The following ATP1A2 variants were observed in gnomAD, a reference collection of about 807,000 sequenced individuals.
ATP1A2 encodes the protein ATPase Na+/K+ transporting subunit alpha 2.
In ATP1A2, 56 loss-of-function variants were observed where a neutral mutation model predicts 113.1. The observed-to-expected ratio is 0.49, with a 90% CI of 0.40 to 0.62. The LOEUF is 0.62. ATP1A2 is among the 20% of genes least tolerant of loss of function. ATP1A2 has a pLI of 0.00. For synonymous variants in ATP1A2, 490 were observed against 526.8 expected, an observed-to-expected ratio of 0.93 and a Z score of 0.96; for missense variants, 712 against 1,357.8, an observed-to-expected ratio of 0.52 and a Z score of 7.47.
rs1230517801 is a variant in ATP1A2 at position 160,125,176 on chromosome 1, C to A, written c.671C>A (p.Thr224Asn). Residue 224 changes from threonine (T) to asparagine (N), a missense_variant, in exon 7 of 23, where the codon ACC becomes AAC. Thr to Asn is a moderately conservative substitution (Grantham distance 65). This residue lies in a region of ATP1A2 where 99 missense variants were observed against 180.4 expected (regional missense o/e 0.55). Coordinates refer to ENST00000361216, the MANE Select transcript of ATP1A2 (RefSeq NM_000702.4). ...SSLTGESEPQ[T>N]RSPEFTHENP... ...TTAACAGGAGAGTCGGAGCCCCAGA[C>A]CCGCTCCCCCGAGTTCACCCATGAG... The A allele has an allele frequency of 5.6e-6, 9 of 1,613,986 alleles. No homozygotes were observed. Among genetic ancestry groups the A allele is most frequent in the Admixed American group, 1.7e-5 (1 of 60,000 alleles).
At chr1:160,123,587 C>T (rs1651490445) in intron 4 of ATP1A2, among the ~76,000 whole-genome samples, 171 bp downstream of exon 4, 1 of 152,214 alleles carries the variant, frequency 6.6e-6, no homozygotes, top group African/African-American at 2.4e-5. Flanking sequence ...GTAAAGTACT[C>T]CTCCGCCAAC....
chr1:160,135,379 A>C lies in ATP1A2; in HGVS notation c.2116-55A>C, dbSNP rs549284554. 154 of 1,614,182 alleles carry C rather than the reference A, an allele frequency of 9.5e-5. No homozygotes were observed. The highest frequency in any genetic ancestry group is 1.2e-4 in the Non-Finnish European group (138 of 1,180,024). ...CAAGACAAGCATGGAGTGAGAGGCG[A>C]GGAGCCAGGCTTGGGAAGGGGTTTC... On this transcript the variant is annotated intron_variant, in intron 15 of 22. Transcript: ENST00000361216. This position sits in a 1 kb window ranked among gnomAD's most constrained non-coding sequence, Gnocchi z 6.3.
chr1:160,134,234 C>T (rs1651861109), intron 13 of ATP1A2, among the ~76,000 whole-genome samples: 1 of 82,526 alleles, frequency 1.2e-5, no homozygotes, highest in Non-Finnish European at 2.8e-5. Context: ...ACAATCCCCA[C>T]CCACACACAC....
chr1:160,115,810 G>A lies in ATP1A2; in HGVS notation c.-52G>A. 3 of 1,574,416 alleles carry A rather than the reference G, an allele frequency of 1.9e-6. No individual in the cohort carries two copies. Among genetic ancestry groups the A allele is most frequent in the Non-Finnish European group, 1.7e-6 (2 of 1,159,574 alleles). ...CCCAGACGGGCTGGTGTGGGCTTGG[G>A]ATCCTCCTGGTGACCTCTCCCGCTA... is the stretch of plus-strand genomic sequence containing the variant. On this transcript the variant is annotated 5_prime_UTR_variant, in exon 1 of 23. Coordinates refer to ENST00000361216, the MANE Select transcript of ATP1A2 (RefSeq NM_000702.4).
At chr1:160,136,780 G>A in intron 19 of ATP1A2, 65 bp downstream of exon 19, 1 of 1,614,096 alleles carries the variant, frequency 6.2e-7, no homozygotes, top group Non-Finnish European at 8.5e-7. Context: ...TGCCTGGCAG[G>A]AGTGGCCAGT....
At chr1:160,139,781 G>A (rs998608147) in intron 21 of ATP1A2, 40 bp downstream of exon 21, 8 of 1,612,962 alleles carry the variant, frequency 5.0e-6, no homozygotes, top group Non-Finnish European at 6.8e-6. Flanking sequence ...GTCATACGGG[G>A]GGCCTTCAGC....
In ATP1A2 at chr1:160,124,432, T is replaced by C; in HGVS notation, c.630+2T>C. On this transcript the variant is annotated splice_donor_variant, in intron 6 of 22. Transcript: ENST00000361216. LOFTEE classifies it high-confidence loss of function. ...ATCATCTCTTCTCATGGCTGTAAGG[T>C]GAGGAGGTCATACCAGAGCAAGCAG... is the stretch of plus-strand genomic sequence containing the variant. 1 of 1,604,636 alleles carries C rather than the reference T, an allele frequency of 6.2e-7. No homozygotes were observed. The highest frequency in any genetic ancestry group is 1.1e-5 in the South Asian group (1 of 89,434).
chr1:160,119,255 G>GAAAAAA (rs1558001685), intron 1 of ATP1A2, among the ~76,000 whole-genome samples: 1 of 2,642 alleles, frequency 3.8e-4, no homozygotes, highest in Non-Finnish European at 5.9e-4. Flanking sequence ...GCATTATCCT[G>GAAAAAA]CAAAAAAAAA....
At chr1:160,131,879 C>A (rs1651786512) in intron 13 of ATP1A2, among the ~76,000 whole-genome samples, 1 of 151,766 alleles carries the variant, frequency 6.6e-6, no homozygotes, top group African/African-American at 2.4e-5. Flanking sequence ...GTGGGTAAGT[C>A]TTTTCCCCAA....
At chr1:160,116,047 T>C (rs1272883584) in intron 1 of ATP1A2, among the ~76,000 whole-genome samples, 174 bp downstream of exon 1, 1 of 151,976 alleles carries the variant, frequency 6.6e-6, no homozygotes, top group African/African-American at 2.4e-5. Context: ...CCCACGGCGG[T>C]CACATACCCT....
In ATP1A2 at chr1:160,139,941, C is replaced by T; in HGVS notation, c.2991C>T (p.Ile997=). The change falls in exon 22 of 23, where the codon ATC becomes ATT. Residue 997 remains isoleucine, a synonymous_variant. Transcript: ENST00000361216. The stretch of plus-strand genomic sequence containing the variant: ...TCCCCTACAGCCTCCTCATCTTCAT[C>T]TATGATGAGGTCCGAAAGCTCATCC... ...CAFPYSLLIF[I]YDEVRKLILR... is the part of the protein sequence containing the mutation. 1 of 1,614,136 alleles carries T rather than the reference C, an allele frequency of 6.2e-7. No individual in the cohort carries two copies. The highest frequency in any genetic ancestry group is 8.5e-7 in the Non-Finnish European group (1 of 1,180,034).
intron 1 of ATP1A2, among the ~76,000 whole-genome samples, chr1:160,118,507 T>C (rs546244284): frequency 1.4e-4 from 21 of 152,300 alleles, no homozygotes; most frequent in Non-Finnish European, 2.8e-4. Context: ...TTAGGTCACC[T>C]GAGAAAGGCA....
Position 160,130,095 on chromosome 1 carries a change from T to C in ATP1A2, c.1462-7T>C. The C allele has an allele frequency of 1.9e-6, 3 of 1,614,148 alleles. No homozygotes were observed. Among genetic ancestry groups the C allele is most frequent in the Non-Finnish European group, 1.7e-6 (2 of 1,180,018 alleles). ...GCCCTCTCTGTAACTACCTGTTGTC[T>C]CTCCAGCTGTCTATCCACGAGCGAG... is the stretch of plus-strand genomic sequence containing the variant. On this transcript the variant is annotated splice_region_variant and splice_polypyrimidine_tract_variant and intron_variant, in intron 11 of 22. Transcript: ENST00000361216.
intron 13 of ATP1A2, among the ~76,000 whole-genome samples, chr1:160,133,496 TC>T (rs1276222503): frequency 6.6e-6 from 1 of 152,036 alleles, no homozygotes; most frequent in Non-Finnish European, 1.5e-5. Context: ...ACCCTCCCCA[TC>T]CCAACTCCAT....
chr1:160,116,798 G>C (rs1291198982), intron 1 of ATP1A2, among the ~76,000 whole-genome samples: 4 of 152,162 alleles, frequency 2.6e-5, no homozygotes, highest in African/African-American at 9.7e-5. Flanking sequence ...CCTAGGGGGA[G>C]CCGTGGGTGT....
chr1:160,125,241 A>G lies in ATP1A2; in HGVS notation c.736A>G (p.Asn246Asp), dbSNP rs764917849. The G allele has an allele frequency of 1.4e-5, 23 of 1,613,672 alleles. No individual in the cohort carries two copies. Among genetic ancestry groups the G allele is most frequent in the Non-Finnish European group, 1.9e-5 (22 of 1,179,730 alleles). Residue 246 changes from asparagine (N) to aspartate (D), a missense_variant, in exon 7 of 23, where the codon AAC becomes GAC. This residue lies in a region of ATP1A2 where 99 missense variants were observed against 180.4 expected (regional missense o/e 0.55). Transcript: ENST00000361216. ...ETRNICFFST[N>D]CVEGTARGIV... The stretch of plus-strand genomic sequence containing the variant: ...CCGCAATATCTGTTTCTTCTCCACC[A>G]ACTGTGTTGAAGGTGAGAAGCCAGG...
In ATP1A2 at chr1:160,119,256, C is replaced by CAAAAAAAAAAAAAAAAAAAAAAAAAAAAA. The variant is rs386368465; in HGVS notation, c.13-1623_13-1622insAAAAAAAAAAAAAAAAAAAAAAAAAAAAA. 1.0e-4 allele frequency among the ~76,000 whole-genome samples: 5 copies of CAAAAAAAAAAAAAAAAAAAAAAAAAAAAA among 49,464 alleles called. 2 individuals carry two copies. The highest frequency in any genetic ancestry group is 1.6e-4 in the Non-Finnish European group (5 of 30,686). 32.5% of individuals were successfully genotyped at this position (49,464 alleles called of 152,430 possible). A position where few individuals can be genotyped will look rare whatever the true frequency, so the allele number is the denominator to read the frequency against. On this transcript the variant is annotated intron_variant, in intron 1 of 22. Coordinates refer to ENST00000361216, the MANE Select transcript of ATP1A2 (RefSeq NM_000702.4). Reference sequence around the variant, plus strand: ...AAACCCCCAAAACTGCATTATCCTGCAAAAAAAAAAAAAAAAAAAAAAAAA... The same window carrying CAAAAAAAAAAAAAAAAAAAAAAAAAAAAA: ...AAACCCCCAAAACTGCATTATCCTGCAAAAAAAAAAAAAAAAAAAAAAAAAAAAAAAAAAAAAAAAAAAAAAAAAAAAAA...
At chr1:160,128,872 G>A in intron 9 of ATP1A2, 22 bp downstream of exon 9, 1 of 1,613,904 alleles carries the variant, frequency 6.2e-7, no homozygotes, top group East Asian at 2.2e-5. Context: ...CTCCAGAGGG[G>A]GTGGATAGGA....
rs1397167596 is a variant in ATP1A2 at position 160,135,994 on chromosome 1, G to A, written c.2439+1G>A. 1.2e-6 allele frequency: 2 copies of A among 1,613,976 alleles called. No homozygotes were observed. The highest frequency in any genetic ancestry group is 2.7e-5 in the African/African-American group (2 of 74,884). ...TTGCATTGACCTGGGCACAGATATG[G>A]TGAGCGCAGGAGGTGGAGGAGGGGA... is the stretch of plus-strand genomic sequence containing the variant. On this transcript the variant is annotated splice_donor_variant, in intron 17 of 22. Transcript: ENST00000361216. LOFTEE classifies it high-confidence loss of function. This position sits in a 1 kb window ranked among gnomAD's most constrained non-coding sequence, Gnocchi z 6.3.
Sources: gnomAD v4.1 joint callset for allele counts (sites outside exome capture counted in the v4.1 genomes callset) on GRCh38, gnomAD v4.1.1 for gene constraint, gnomAD v4.1.1 regional missense constraint, Gnocchi (gnomAD v3.1) non-coding constraint, MANE v1.5 for transcripts, NCBI Gene and HGNC (gene_info 2026-07-23, HGNC 2026-07-21) for gene names.